FLI1: variants seen among roughly 807,000 people sequenced by gnomAD.
FLI1 encodes Friend leukemia integration 1 transcription factor.
FLI1 carries 13 observed loss-of-function variants against 53.1 expected under a neutral mutation model. That is an observed-to-expected ratio of 0.24 (90% CI 0.16 to 0.39). The LOEUF (loss-of-function observed/expected upper bound fraction) is 0.39, where lower values mean the gene tolerates loss of function less well. Among genes scored for constraint, FLI1 ranks in the 10% least tolerant of loss-of-function variants. The pLI is 1.00. For missense variants in FLI1, 424 were observed against 600.5 expected, an observed-to-expected ratio of 0.71 and a Z score of 3.07; for synonymous variants, 244 against 236.7, an observed-to-expected ratio of 1.03 and a Z score of -0.28.
chr11:128,774,886 C>T (rs923487533), intron 4 of FLI1, among the ~76,000 whole-genome samples: 4 of 151,900 alleles, frequency 2.6e-5, no homozygotes, highest in Admixed American at 6.6e-5. Flanking sequence ...GGTCACTGGT[C>T]GCCAGTAGAG....
chr11:128,731,523 A>G (rs777336858), intron 1 of FLI1, among the ~76,000 whole-genome samples: 1 of 152,144 alleles, frequency 6.6e-6, no homozygotes, highest in Admixed American at 6.5e-5. Context: ...AAAACAAACA[A>G]AAAACAAAAA....
intron 1 of FLI1, among the ~76,000 whole-genome samples, chr11:128,756,925 C>A (rs1048135910): frequency 6.6e-6 from 1 of 152,126 alleles, no homozygotes; most frequent in Non-Finnish European, 1.5e-5. Context: ...AGACTGTCGC[C>A]CAGGCTGAAT....
intron 1 of FLI1, among the ~76,000 whole-genome samples, chr11:128,706,866 T>A (rs1938566905): frequency 6.6e-6 from 1 of 152,150 alleles, no homozygotes. Context: ...TGGAAGAGGG[T>A]AAACAACAAA....
At chr11:128,781,120 T>C (rs1230252933) in intron 4 of FLI1, among the ~76,000 whole-genome samples, 1 of 152,220 alleles carries the variant, frequency 6.6e-6, no homozygotes, top group East Asian at 1.9e-4. Flanking sequence ...AGATTGGATA[T>C]CAGCATTCTG....
chr11:128,753,561 C>T (rs771952280), intron 1 of FLI1, among the ~76,000 whole-genome samples: 18 of 152,206 alleles, frequency 1.2e-4, no homozygotes, highest in Non-Finnish European at 2.1e-4. Flanking sequence ...AGTTCTTGAA[C>T]GCTAGCAACA....
chr11:128,711,028 C>T (rs1938763410), intron 1 of FLI1, among the ~76,000 whole-genome samples: 1 of 152,346 alleles, frequency 6.6e-6, no homozygotes. Flanking sequence ...GAACTTTCTA[C>T]AAACATGGAA....
At chr11:128,807,049 A>C in intron 6 of FLI1, 131 bp from the exon 7 acceptor site, 3 of 463,222 alleles carry the variant, frequency 6.5e-6, no homozygotes, top group African/African-American at 2.0e-5. Context: ...AAATGTTTCT[A>C]AAATAAGATG....
At chr11:128,770,992 G>T (rs928204863) in intron 3 of FLI1, among the ~76,000 whole-genome samples, 2 of 152,182 alleles carry the variant, frequency 1.3e-5, no homozygotes, top group African/African-American at 4.8e-5. Flanking sequence ...AGGGGCTTTG[G>T]GGGAACCCAC....
At chr11:128,785,356 A>G (rs1207283760) in intron 5 of FLI1, among the ~76,000 whole-genome samples, 2 of 151,784 alleles carry the variant, frequency 1.3e-5, no homozygotes, top group Non-Finnish European at 2.9e-5. Context: ...TTTGAAGTAG[A>G]TATTATTATC....
chr11:128,793,882 C>A (rs1591379227), intron 5 of FLI1, among the ~76,000 whole-genome samples: 1 of 152,138 alleles, frequency 6.6e-6, no homozygotes, highest in African/African-American at 2.4e-5. Flanking sequence ...GAGCACCCTC[C>A]CCATTCGTTC....
intron 5 of FLI1, among the ~76,000 whole-genome samples, chr11:128,798,416 G>A (rs1163557281): frequency 1.3e-5 from 2 of 152,186 alleles, no homozygotes; most frequent in African/African-American, 4.8e-5. Context: ...CGTGGCCATG[G>A]CAAGGCTGTG....
intron 2 of FLI1, chr11:128,764,965 C>A: frequency 2.2e-6 from 2 of 892,136 alleles, no homozygotes; most frequent in Non-Finnish European, 3.4e-6. Context: ...GAGGACAGGG[C>A]CATTTTCCAG....
chr11:128,812,809 A>G lies in FLI1; in HGVS notation c.*1821A>G, dbSNP rs751490785. The G allele has an allele frequency of 4.3e-5, 9 of 208,142 alleles. 1 individual carries two copies. The highest frequency in any genetic ancestry group is 6.9e-5 in the Non-Finnish European group (7 of 101,928). 12.9% of individuals were successfully genotyped at this position (208,142 alleles called of 1,614,324 possible). On this transcript the variant is annotated 3_prime_UTR_variant, in exon 9 of 9. Transcript: ENST00000527786. ...AAAGAATAAGCGCCCTGCTTCCTTC[A>G]GGTCTCAGACCAGGACTTTATGGCT...
chr11:128,706,340 A>G (rs1438389922), intron 1 of FLI1, among the ~76,000 whole-genome samples: 1 of 152,204 alleles, frequency 6.6e-6, no homozygotes, highest in Non-Finnish European at 1.5e-5. Flanking sequence ...ACATCACTCC[A>G]TACAACGTGG....
chr11:128,781,345 T>C (rs368051703), intron 4 of FLI1, among the ~76,000 whole-genome samples: 13 of 152,012 alleles, frequency 8.6e-5, no homozygotes, highest in African/African-American at 1.9e-4. Flanking sequence ...CAGGAAGGAG[T>C]GATACTGGCT....
intron 1 of FLI1, among the ~76,000 whole-genome samples, chr11:128,732,222 T>C (rs1164094021): frequency 1.3e-5 from 2 of 152,128 alleles, no homozygotes; most frequent in Non-Finnish European, 2.9e-5. Context: ...ATTCAGCCAA[T>C]CAGTACCAGA....
chr11:128,694,382 C>T (rs1937929379), intron 1 of FLI1, 106 bp downstream of exon 1: 1 of 894,444 alleles, frequency 1.1e-6, no homozygotes, highest in Non-Finnish European at 1.5e-6. Flanking sequence ...GCCTCTCTCC[C>T]TTCCCTCCGC....
intron 1 of FLI1, among the ~76,000 whole-genome samples, chr11:128,741,414 A>T (rs1940134337): frequency 6.6e-6 from 1 of 152,190 alleles, no homozygotes; most frequent in East Asian, 1.9e-4. Flanking sequence ...ATAAATAAAT[A>T]AAATAAGACA....
At chr11:128,788,042 C>A (rs1942151280) in intron 5 of FLI1, among the ~76,000 whole-genome samples, 1 of 151,726 alleles carries the variant, frequency 6.6e-6, no homozygotes, top group Admixed American at 6.6e-5. Context: ...GACCTCCTGA[C>A]CTCATGATCT....
Sources: gnomAD v4.1 joint callset for allele counts (sites outside exome capture counted in the v4.1 genomes callset) on GRCh38, gnomAD v4.1.1 for gene constraint, MANE v1.5 for transcripts, NCBI Gene and HGNC (gene_info 2026-07-23, HGNC 2026-07-21) for gene names.